FSTL4: variants seen among roughly 807,000 people sequenced by gnomAD.
FSTL4 encodes follistatin-related protein 4.
A neutral mutation model predicts 78.2 loss-of-function variants in FSTL4; 28 were observed. That is an observed-to-expected ratio of 0.36 (90% CI 0.27 to 0.49). The LOEUF is 0.49. Ranked by LOEUF, FSTL4 falls within the 20% of genes least tolerant of loss-of-function variation. The pLI is 0.98. For missense variants in FSTL4, 922 were observed against 1,084.9 expected (o/e 0.85, Z 2.11); for synonymous variants, 422 against 440.5 (o/e 0.96, Z 0.53).
At chr5:133,251,481 C>T (rs1752236713) in intron 6 of FSTL4, among the ~76,000 whole-genome samples, 1 of 152,148 alleles carries the variant, frequency 6.6e-6, no homozygotes, top group South Asian at 2.1e-4. Flanking sequence ...TTTGTTTCAT[C>T]TGAGTTCTTT....
chr5:133,448,743 G>A lies in FSTL4; in HGVS notation c.161-47757C>T, dbSNP rs994737235. Among the ~76,000 whole-genome samples, 41 of 150,140 alleles carry A rather than the reference G, an allele frequency of 2.7e-4. 2 individuals are homozygous for A. The highest frequency in any genetic ancestry group is 9.8e-4 in the African/African-American group (40 of 40,772). On this transcript the variant is annotated intron_variant, in intron 3 of 15. Transcript: ENST00000265342. The stretch of plus-strand genomic sequence containing the variant: ...GAATCCCCAGGGGTGCGGGGGCGGG[G>A]GGGGGGGGCGCTCAGAATTTTCCGC...
chr5:133,533,938 T>A (rs936459554), intron 3 of FSTL4, among the ~76,000 whole-genome samples: 2 of 152,118 alleles, frequency 1.3e-5, no homozygotes, highest in African/African-American at 4.8e-5. Flanking sequence ...GTGCTCCTCA[T>A]CTACATCTCC....
chr5:133,676,531 C>G, the FSTL4 span, among the ~76,000 whole-genome samples: 3 of 152,124 alleles, frequency 2.0e-5, no homozygotes, highest in African/African-American at 4.8e-5. Flanking sequence ...CTTAGAATAG[C>G]CTTCTTCTCA....
chr5:133,258,611 C>T (rs1752439902), intron 6 of FSTL4, among the ~76,000 whole-genome samples: 1 of 152,208 alleles, frequency 6.6e-6, no homozygotes, highest in South Asian at 2.1e-4. Flanking sequence ...ATCATCCATG[C>T]TCTCCTCTCC....
intron 3 of FSTL4, among the ~76,000 whole-genome samples, chr5:133,463,112 G>A (rs1757630345): frequency 6.6e-6 from 1 of 152,192 alleles, no homozygotes; most frequent in African/African-American, 2.4e-5. Flanking sequence ...GCAGGCCCAA[G>A]GCCACGCCAG....
the FSTL4 span, among the ~76,000 whole-genome samples, chr5:133,791,940 G>A: frequency 4.0e-3 from 603 of 152,338 alleles, 3 homozygotes; most frequent in Middle Eastern, 6.8e-3. Context: ...CGTGGTTCCA[G>A]GCACACCTCA....
the FSTL4 span, among the ~76,000 whole-genome samples, chr5:133,674,857 T>C: frequency 6.6e-6 from 1 of 152,212 alleles, no homozygotes. Context: ...GGTAGATTTC[T>C]CATGATAATC....
chr5:133,555,751 T>C (rs1258048267), intron 3 of FSTL4, among the ~76,000 whole-genome samples: 1 of 152,116 alleles, frequency 6.6e-6, no homozygotes, highest in Non-Finnish European at 1.5e-5. Flanking sequence ...TCTGACCCTA[T>C]CAAATCAACG....
At chr5:133,530,611 G>C (rs1561458641) in intron 3 of FSTL4, among the ~76,000 whole-genome samples, 1 of 152,222 alleles carries the variant, frequency 6.6e-6, no homozygotes. Flanking sequence ...CATGTGTCCT[G>C]GAGAACATAT....
chr5:133,614,105 G>A (rs1024302800), upstream of FSTL4, among the ~76,000 whole-genome samples: 1 of 152,198 alleles, frequency 6.6e-6, no homozygotes, highest in African/African-American at 2.4e-5. Flanking sequence ...GGTCAGGAAC[G>A]TACACCATGG....
At chr5:133,497,076 T>C (rs1015114589) in intron 3 of FSTL4, among the ~76,000 whole-genome samples, 4 of 152,194 alleles carry the variant, frequency 2.6e-5, no homozygotes, top group African/African-American at 4.8e-5. Flanking sequence ...ATACTTATAC[T>C]GACAAAGAAA....
At chr5:133,677,975 T>C in the FSTL4 span, among the ~76,000 whole-genome samples, 1 of 152,208 alleles carries the variant, frequency 6.6e-6, no homozygotes, top group African/African-American at 2.4e-5. Context: ...CAACATGATG[T>C]TTTGAAATAC....
chr5:133,343,860 G>A (rs1176359928), intron 4 of FSTL4, among the ~76,000 whole-genome samples: 3 of 152,160 alleles, frequency 2.0e-5, no homozygotes, highest in Non-Finnish European at 4.4e-5. Flanking sequence ...TCAAAGCACA[G>A]GATGGTCGAG....
the FSTL4 span, among the ~76,000 whole-genome samples, chr5:133,643,140 T>C: frequency 2.0e-5 from 3 of 152,218 alleles, no homozygotes; most frequent in African/African-American, 7.2e-5. Context: ...AGAGTGTGCA[T>C]AGGTTTGAAC....
chr5:133,262,543 A>G (rs921323310), intron 6 of FSTL4, among the ~76,000 whole-genome samples: 5 of 152,156 alleles, frequency 3.3e-5, no homozygotes, highest in African/African-American at 4.8e-5. Flanking sequence ...GAATATGTCT[A>G]CTTGGCCAAC....
chr5:133,483,093 T>C (rs985736531), intron 3 of FSTL4, among the ~76,000 whole-genome samples: 4 of 152,166 alleles, frequency 2.6e-5, no homozygotes, highest in African/African-American at 9.7e-5. Context: ...GTTCTCATGA[T>C]AGTGAATAAG....
intron 3 of FSTL4, among the ~76,000 whole-genome samples, chr5:133,566,495 A>G (rs778455328): frequency 3.9e-4 from 60 of 152,336 alleles, no homozygotes; most frequent in Admixed American, 1.2e-3. Context: ...TCATCATTCT[A>G]TCCATGTAAT....
intron 3 of FSTL4, among the ~76,000 whole-genome samples, chr5:133,530,911 C>A (rs1353754418): frequency 6.6e-6 from 1 of 152,208 alleles, no homozygotes; most frequent in Non-Finnish European, 1.5e-5. Context: ...CCCTCTAACA[C>A]CCACAGACTC....
At chr5:133,375,311 T>TATATATATATATATAA (rs1298027325) in intron 4 of FSTL4, among the ~76,000 whole-genome samples, 1 of 138,464 alleles carries the variant, frequency 7.2e-6, no homozygotes, top group African/African-American at 2.6e-5. Flanking sequence ...TATATATATA[T>TATATATATATATATAA]AAAAGACTCT....
Sources: allele counts gnomAD v4.1 joint callset (sites outside exome capture counted in the v4.1 genomes callset), GRCh38; gene constraint gnomAD v4.1.1; transcripts MANE v1.5; gene names NCBI Gene and HGNC (gene_info 2026-07-23, HGNC 2026-07-21).